The following TRAF2 variants were observed in gnomAD, a reference collection of about 807,000 sequenced individuals.
The protein encoded by TRAF2 is TNF receptor associated factor 2, also known as TNF receptor-associated factor 2.
A neutral mutation model predicts 55.6 loss-of-function variants in TRAF2; 6 were observed. The observed-to-expected ratio is 0.11, with a 90% confidence interval of 0.06 to 0.21. TRAF2 has a LOEUF of 0.21. Among genes scored for constraint, TRAF2 ranks in the 10% least tolerant of loss-of-function variants. TRAF2 has a pLI of 1.00. For synonymous variants in TRAF2, 329 were observed against 276.3 expected (o/e 1.19, Z -1.89); for missense variants, 561 against 684.5 (o/e 0.82, Z 2.01).
intron 10 of TRAF2, 112 bp downstream of exon 10, chr9:136,924,112 C>T: frequency 7.6e-7 from 1 of 1,318,106 alleles, no homozygotes; most frequent in East Asian, 2.5e-5. Flanking sequence ...CTCGCTGGAC[C>T]AGGTGTCTGC....
At chr9:136,911,540 C>A (rs959752173) in intron 6 of TRAF2, among the ~76,000 whole-genome samples, 4 of 152,296 alleles carry the variant, frequency 2.6e-5, no homozygotes, top group African/African-American at 7.2e-5. Flanking sequence ...GCTGGGATTA[C>A]AGGCGTGAGC....
chr9:136,903,411 G>A lies in TRAF2; in HGVS notation c.366+2891G>A, dbSNP rs184726950. On this transcript the variant is annotated intron_variant, in intron 4 of 10. Coordinates refer to ENST00000247668, the MANE Select transcript of TRAF2 (RefSeq NM_021138.4). The stretch of plus-strand genomic sequence containing the variant: ...CAGAGAGGACATAGGCTGGCTGCAC[G>A]AGCAGCGGAAAGGCCAGGAAAAGCC... Among the ~76,000 whole-genome samples, 642 of 152,318 alleles carry A rather than the reference G, an allele frequency of 4.2e-3. 12 individuals carry two copies. The highest frequency in any genetic ancestry group is 2.7e-3 in the Non-Finnish European group (181 of 68,046).
rs1356405454 is a variant in TRAF2, at chr9:136,916,433, C to T, written c.604-108C>T. 7.1e-6 allele frequency: 8 copies of T among 1,133,232 alleles called. No individual in the cohort carries two copies. The East Asian group carries it at 9.6e-5, about 14-fold the overall frequency. The allele number at this position is 1,133,232 out of a possible 1,614,324, so 70.2% of individuals were successfully genotyped here. ...TCATTCAGTGTGAGAGTGAAGAGGC[C>T]AACGGGGCAGGTCATGTAACCTCTG... On this transcript the variant is annotated intron_variant, in intron 6 of 10. Transcript: ENST00000247668.
At chr9:136,884,633 T>C (rs888253162), upstream of TRAF2, among the ~76,000 whole-genome samples, 11 of 152,174 alleles carry the variant, frequency 7.2e-5, no homozygotes, top group African/African-American at 2.7e-4. Flanking sequence ...CACAGCTCAC[T>C]GCAACCTCCA....
rs775336386 is a variant in TRAF2 at position 136,926,056 on chromosome 9, C to T, written c.*155C>T. The T allele has an allele frequency of 4.0e-5, 37 of 926,242 alleles. No homozygotes were observed. The highest frequency in any genetic ancestry group is 1.5e-4 in the South Asian group (11 of 75,478). 57.4% of individuals were successfully genotyped at this position (926,242 alleles called of 1,614,324 possible). ...CGGCCTGCAGCCAAGTTCACTGTCA[C>T]GGGGGAAGGAGCCACCAGCCAGTCC... On this transcript the variant is annotated 3_prime_UTR_variant, in exon 11 of 11. Coordinates refer to ENST00000247668, the MANE Select transcript of TRAF2 (RefSeq NM_021138.4).
Position 136,916,994 on chromosome 9 carries a change from C to T in TRAF2, c.678+379C>T, listed in dbSNP as rs866849089. Among the ~76,000 whole-genome samples, 4 of 152,192 alleles carry T rather than the reference C, an allele frequency of 2.6e-5. No homozygotes were observed. In the South Asian group the frequency reaches 8.3e-4, roughly 31 times the overall value. ...ATCTCACACAGAAAAGGGCAGCACTCTAACCCAGCGGCTGTCGCTGAGCCC... is the reference window on the plus strand; with the variant it reads ...ATCTCACACAGAAAAGGGCAGCACTTTAACCCAGCGGCTGTCGCTGAGCCC... On this transcript the variant is annotated intron_variant, in intron 7 of 10. Transcript: ENST00000247668.
intron 1 of TRAF2, among the ~76,000 whole-genome samples, chr9:136,890,103 C>T (rs561286962): frequency 9.5e-5 from 14 of 147,098 alleles, no homozygotes; most frequent in African/African-American, 1.3e-4. Context: ...CTTGTTCAGC[C>T]GGTCACCGCG....
chr9:136,921,832 C>T (rs1284322868), intron 9 of TRAF2, among the ~76,000 whole-genome samples: 5 of 152,110 alleles, frequency 3.3e-5, no homozygotes, highest in Non-Finnish European at 7.4e-5. Context: ...TGCTTCTGGG[C>T]GCTGCAGTCC....
intron 6 of TRAF2, 41 bp from the exon 7 acceptor site, chr9:136,916,500 A>G: frequency 1.9e-6 from 3 of 1,598,290 alleles, no homozygotes; most frequent in Non-Finnish European, 2.6e-6. Flanking sequence ...GAAATGCATC[A>G]GAACAGAGAA....
At chr9:136,889,483 C>T (rs1030043515) in intron 1 of TRAF2, 1 of 152,066 alleles carries the variant, frequency 6.6e-6, no homozygotes, top group African/African-American at 2.4e-5. Flanking sequence ...AGGGTTTCTC[C>T]ACTTTGGTGA....
chr9:136,926,334 G>C lies in TRAF2; in HGVS notation c.*433G>C. The C allele has an allele frequency of 3.0e-6, 1 of 338,742 alleles. No individual in the cohort carries two copies. Among genetic ancestry groups the C allele is most frequent in the Non-Finnish European group, 5.9e-6 (1 of 170,392 alleles). 21.0% of individuals were successfully genotyped at this position (338,742 alleles called of 1,614,324 possible). A position where few individuals can be genotyped will look rare whatever the true frequency, so the allele number is the denominator to read the frequency against. On this transcript the variant is annotated 3_prime_UTR_variant, in exon 11 of 11. Coordinates refer to ENST00000247668, the MANE Select transcript of TRAF2 (RefSeq NM_021138.4). ...AGAAACGAGGGCTGCTCCAGGAGAA[G>C]GGCCTCCTGCTGGCCAGAGCAAGGA... is the stretch of plus-strand genomic sequence containing the variant.
chr9:136,906,991 C>A (rs1849969001), intron 4 of TRAF2, among the ~76,000 whole-genome samples: 1 of 152,266 alleles, frequency 6.6e-6, no homozygotes, highest in South Asian at 2.1e-4. Context: ...CCTTGCTGTC[C>A]TGACCCCTCA....
chr9:136,919,295 C>CTTTTT lies in TRAF2; in HGVS notation c.679-923_679-919dup, dbSNP rs34390498. The stretch of plus-strand genomic sequence containing the variant: ...AGGCTTCTCTGGAACTTGTGGGTGG[C>CTTTTT]TTTTTTTTTTTTTTTTTTTTGAGAC... On this transcript the variant is annotated intron_variant, in intron 7 of 10. Transcript: ENST00000247668. 2.6e-3 allele frequency among the ~76,000 whole-genome samples: 238 copies of CTTTTT among 90,184 alleles called. 14 individuals carry two copies. The highest frequency in any genetic ancestry group is 5.0e-3 in the African/African-American group (112 of 22,264). 59.2% of individuals were successfully genotyped at this position (90,184 alleles called of 152,430 possible).
chr9:136,923,263 A>G (rs868465779), intron 9 of TRAF2, among the ~76,000 whole-genome samples: 4 of 152,134 alleles, frequency 2.6e-5, no homozygotes, highest in Non-Finnish European at 5.9e-5. Context: ...GGATCTCGCC[A>G]TGTGGCTCTG....
chr9:136,894,297 G>A (rs1425812417), intron 1 of TRAF2, among the ~76,000 whole-genome samples: 1 of 151,842 alleles, frequency 6.6e-6, no homozygotes, highest in Non-Finnish European at 1.5e-5. Flanking sequence ...TGCCTGCTTC[G>A]GCCTCCCAAA....
At chr9:136,897,577 C>T (rs527913454) in intron 1 of TRAF2, among the ~76,000 whole-genome samples, 5 of 151,122 alleles carry the variant, frequency 3.3e-5, no homozygotes, top group African/African-American at 2.4e-5. Flanking sequence ...AGGTGTGCTA[C>T]GTTCCGCTCT....
intron 7 of TRAF2, 55 bp downstream of exon 7, chr9:136,916,670 A>C: frequency 6.4e-7 from 1 of 1,553,106 alleles, no homozygotes; most frequent in South Asian, 1.1e-5. Flanking sequence ...TGTGGTCTTC[A>C]CTGCCTCCAG....
intron 6 of TRAF2, among the ~76,000 whole-genome samples, chr9:136,916,073 G>A (rs576620087): frequency 9.2e-5 from 14 of 152,240 alleles, no homozygotes; most frequent in East Asian, 3.9e-4. Flanking sequence ...TCCCTGGTTC[G>A]ATGTTCCTGT....
chr9:136,903,647 A>T (rs2131299374), intron 4 of TRAF2, among the ~76,000 whole-genome samples: 1 of 152,076 alleles, frequency 6.6e-6, no homozygotes, highest in East Asian at 1.9e-4. Flanking sequence ...GGAGATTTCA[A>T]GTACCGAGTG....
Sources: allele counts gnomAD v4.1 joint callset (sites outside exome capture counted in the v4.1 genomes callset), GRCh38; gene constraint gnomAD v4.1.1; transcripts MANE v1.5; gene names NCBI Gene and HGNC (gene_info 2026-07-23, HGNC 2026-07-21).